The following DACH1 variants were observed in gnomAD, a reference collection of about 807,000 sequenced individuals.
DACH1 encodes the protein dachshund homolog 1.
DACH1 carries 12 observed loss-of-function variants against 54.2 expected under a neutral mutation model. The observed-to-expected ratio is 0.22, with a 90% CI of 0.14 to 0.36. The LOEUF (loss-of-function observed/expected upper bound fraction) is 0.36. Among genes scored for constraint, DACH1 ranks in the 10% least tolerant of loss-of-function variants. The pLI is 1.00. For missense variants in DACH1, 805 were observed against 929.8 expected (o/e 0.87, Z 1.75); for synonymous variants, 386 against 366.2 (o/e 1.05, Z -0.62).
chr13:71,675,588 G>A (rs1594084085), intron 2 of DACH1: 5 of 642,378 alleles, frequency 7.8e-6, no homozygotes, highest in African/African-American at 1.8e-5. Flanking sequence ...GGGGTCAAAA[G>A]GTACCTAAGT....
At position 71,650,286 on chromosome 13, in the gene DACH1, G is replaced by A. The variant is rs74331914; in HGVS notation, c.965-19569C>T. ...ACATTGGTTTCTTGGTCAATGGCTA[G>A]TTTTGTTACACAGACAATTTCTAAT... On this transcript the variant is annotated intron_variant, in intron 2 of 10. Coordinates refer to ENST00000613252, the MANE Select transcript of DACH1 (RefSeq NM_080759.6). Among the ~76,000 whole-genome samples the A allele has an allele frequency of 1.3e-3, 193 of 152,260 alleles. 2 individuals are homozygous for A. The East Asian group carries it at 0.03, about 24-fold the overall frequency.
intron 2 of DACH1, among the ~76,000 whole-genome samples, chr13:71,674,248 T>C (rs1880406797): frequency 6.6e-6 from 1 of 152,178 alleles, no homozygotes; most frequent in Non-Finnish European, 1.5e-5. Context: ...CTGGATGTCG[T>C]AGGCTGCCAA....
chr13:71,515,539 G>A (rs577846457), intron 6 of DACH1, among the ~76,000 whole-genome samples: 9 of 152,006 alleles, frequency 5.9e-5, no homozygotes, highest in Admixed American at 5.3e-4. Context: ...AAGTTTAGAT[G>A]TGTAGATTTG....
intron 2 of DACH1, among the ~76,000 whole-genome samples, chr13:71,646,225 T>C (rs572118764): frequency 6.5e-4 from 99 of 151,664 alleles, no homozygotes; most frequent in Non-Finnish European, 1.3e-3. Flanking sequence ...TAATCCCAGC[T>C]ACTCGGGAGG....
At chr13:71,843,950 T>G (rs1873053094) in intron 1 of DACH1, among the ~76,000 whole-genome samples, 1 of 152,176 alleles carries the variant, frequency 6.6e-6, no homozygotes, top group Admixed American at 6.5e-5. Flanking sequence ...ATTATTGCCC[T>G]AGGGAAGTCA....
At chr13:71,604,938 T>C (rs576174898) in intron 3 of DACH1, among the ~76,000 whole-genome samples, 7 of 151,778 alleles carry the variant, frequency 4.6e-5, no homozygotes, top group African/African-American at 1.7e-4. Context: ...CCGAAACACT[T>C]CTCTTGGTCT....
intron 6 of DACH1, among the ~76,000 whole-genome samples, chr13:71,501,364 A>C (rs983807821): frequency 6.6e-6 from 1 of 152,190 alleles, no homozygotes; most frequent in African/African-American, 2.4e-5. Flanking sequence ...TATTTAGTAA[A>C]TGTTAAGAGA....
At chr13:71,498,522 T>C (rs759454602) in intron 6 of DACH1, among the ~76,000 whole-genome samples, 1 of 152,086 alleles carries the variant, frequency 6.6e-6, no homozygotes, top group East Asian at 1.9e-4. Context: ...GCTCTAGGAA[T>C]AAAATTTTTT....
intron 1 of DACH1, among the ~76,000 whole-genome samples, chr13:71,809,112 T>G (rs1201736136): frequency 6.6e-6 from 1 of 152,208 alleles, no homozygotes. Context: ...TTTTGGTTCT[T>G]AGTAATAACT....
intron 2 of DACH1, among the ~76,000 whole-genome samples, chr13:71,657,153 T>C (rs1160042545): frequency 6.6e-6 from 1 of 151,624 alleles, no homozygotes; most frequent in East Asian, 1.9e-4. Flanking sequence ...ATTTTATTAA[T>C]GGAGCTAATT....
chr13:71,453,342 A>G (rs1875250486), intron 10 of DACH1, among the ~76,000 whole-genome samples: 1 of 152,210 alleles, frequency 6.6e-6, no homozygotes, highest in African/African-American at 2.4e-5. Context: ...AACACAGCAT[A>G]GAAGAAAAAT....
At chr13:71,557,787 G>A (rs1274911361) in intron 5 of DACH1, among the ~76,000 whole-genome samples, 1 of 133,668 alleles carries the variant, frequency 7.5e-6, no homozygotes, top group African/African-American at 2.8e-5. Context: ...CTAATCAAAA[G>A]GAAACATAAA....
intron 1 of DACH1, among the ~76,000 whole-genome samples, chr13:71,717,613 A>T (rs1356668449): frequency 1.3e-5 from 2 of 151,846 alleles, no homozygotes; most frequent in Non-Finnish European, 2.9e-5. Flanking sequence ...TTTTCGTTAA[A>T]TTGCGTTTCC....
At chr13:71,827,787 G>T (rs1410062272) in intron 1 of DACH1, among the ~76,000 whole-genome samples, 7 of 152,028 alleles carry the variant, frequency 4.6e-5, no homozygotes, top group Admixed American at 3.3e-4. Context: ...TAAATATATA[G>T]CTGATTAGGA....
chr13:71,761,402 T>C (rs1321590982), intron 1 of DACH1, among the ~76,000 whole-genome samples: 3 of 152,294 alleles, frequency 2.0e-5, no homozygotes, highest in Admixed American at 2.0e-4. Flanking sequence ...AAATTTCCTA[T>C]AGGTAGATTG....
chr13:71,637,587 T>G (rs1278584574), intron 2 of DACH1, among the ~76,000 whole-genome samples: 7 of 152,212 alleles, frequency 4.6e-5, no homozygotes, highest in African/African-American at 1.7e-4. Flanking sequence ...TTCACTAGTT[T>G]AAATTCTATA....
intron 1 of DACH1, among the ~76,000 whole-genome samples, chr13:71,694,272 A>G (rs2138732237): frequency 6.6e-6 from 1 of 152,250 alleles, no homozygotes; most frequent in East Asian, 1.9e-4. Context: ...GCTGTCAAGA[A>G]ACGTAATCCT....
chr13:71,861,574 A>G (rs1249259090), intron 1 of DACH1, among the ~76,000 whole-genome samples: 1 of 152,000 alleles, frequency 6.6e-6, no homozygotes. Flanking sequence ...ACAGAAATAA[A>G]TTGTGGAACC....
rs1158391628 is a variant in DACH1, at chr13:71,865,929, T to A, written c.841A>T (p.Asn281Tyr). The A allele has an allele frequency of 6.2e-7, 1 of 1,606,616 alleles. No individual in the cohort carries two copies. Among genetic ancestry groups the A allele is most frequent in the Non-Finnish European group, 8.5e-7 (1 of 1,176,146 alleles). ...DFETLYNDCT[N>Y]ASSRPGRPPK... ...CTATCCCCCCCGACTCACCTTGCGT[T>A]GGTGCAGTCATTGTAGAGGGTCTCG... Residue 281 changes from asparagine to tyrosine, a missense_variant, in exon 1 of 11, where the codon AAC becomes TAC. By Grantham distance (143) the Asn-to-Tyr change is moderately radical (BLOSUM62 -2). Coordinates refer to ENST00000613252, the MANE Select transcript of DACH1 (RefSeq NM_080759.6).
Sources: allele counts gnomAD v4.1 joint callset (sites outside exome capture counted in the v4.1 genomes callset), GRCh38; gene constraint gnomAD v4.1.1; transcripts MANE v1.5; gene names NCBI Gene and HGNC (gene_info 2026-07-23, HGNC 2026-07-21).